ACVR2A: variants seen among roughly 807,000 people sequenced by gnomAD.
ACVR2A encodes the protein activin A receptor type 2A.
A neutral mutation model predicts 61.4 loss-of-function variants in ACVR2A; 7 were observed. That is an observed-to-expected ratio of 0.11 (90% CI 0.06 to 0.21). The LOEUF (loss-of-function observed/expected upper bound fraction) is 0.21. Ranked by LOEUF, ACVR2A falls within the 10% of genes least tolerant of loss-of-function variation. The probability of loss-of-function intolerance (pLI) is 1.00; values close to 1 mark genes in which losing one functional copy is unlikely to be tolerated. For synonymous variants in ACVR2A, 193 were observed against 208.3 expected (o/e 0.93, Z 0.63); for missense variants, 322 against 621.7 (o/e 0.52, Z 5.13).
chr2:147,926,513 A>G (rs1015764426), intron 10 of ACVR2A, among the ~76,000 whole-genome samples: 2 of 151,978 alleles, frequency 1.3e-5, no homozygotes, highest in African/African-American at 4.8e-5. Context: ...TAAAAAGTTT[A>G]TGAAGCACCA....
rs1212324125 is a variant in ACVR2A at position 147,930,368 on chromosome 2, T to G, written c.*3094T>G. On this transcript the variant is annotated 3_prime_UTR_variant, in exon 11 of 11. Coordinates refer to ENST00000241416, the MANE Select transcript of ACVR2A (RefSeq NM_001616.5). Reference sequence around the variant, plus strand: ...ACTGGTTTTTTTGTTTTTTTTTTTTTTTTTAAAGAAAGAAGCTTCATCACA... The same window carrying G: ...ACTGGTTTTTTTGTTTTTTTTTTTTGTTTTAAAGAAAGAAGCTTCATCACA... 6.6e-6 allele frequency: 1 copy of G among 151,650 alleles called. No individual in the cohort carries two copies. Among genetic ancestry groups the G allele is most frequent in the Non-Finnish European group, 1.5e-5 (1 of 67,834 alleles). The allele number at this position is 151,650 out of a possible 1,614,324, so 9.4% of individuals were successfully genotyped here. A position where few individuals can be genotyped will look rare whatever the true frequency, so the allele number is the denominator to read the frequency against.
rs945109309 is a variant in ACVR2A at position 147,928,812 on chromosome 2, T to G, written c.*1538T>G. 4 of 152,364 alleles carry G rather than the reference T, an allele frequency of 2.6e-5. No homozygotes were observed. Among genetic ancestry groups the G allele is most frequent in the Non-Finnish European group, 5.9e-5 (4 of 67,918 alleles). 9.4% of individuals were successfully genotyped at this position (152,364 alleles called of 1,614,324 possible). A position where few individuals can be genotyped will look rare whatever the true frequency, so the allele number is the denominator to read the frequency against. ...CCTCAAATTTATACAGGCCAAAAAGTAAAACATTAATTTTCTGAATTTCCA... is the reference window on the plus strand; with the variant it reads ...CCTCAAATTTATACAGGCCAAAAAGGAAAACATTAATTTTCTGAATTTCCA... On this transcript the variant is annotated 3_prime_UTR_variant, in exon 11 of 11. Coordinates refer to ENST00000241416, the MANE Select transcript of ACVR2A (RefSeq NM_001616.5).
intron 1 of ACVR2A, among the ~76,000 whole-genome samples, chr2:147,871,494 T>A (rs892265396): frequency 1.3e-5 from 2 of 152,166 alleles, no homozygotes; most frequent in African/African-American, 4.8e-5. Flanking sequence ...CTAGCCTAGA[T>A]GTCTCTGCAT....
chr2:147,883,609 GA>G (rs1335047130), intron 1 of ACVR2A, among the ~76,000 whole-genome samples: 1 of 151,978 alleles, frequency 6.6e-6, no homozygotes, highest in East Asian at 1.9e-4. Flanking sequence ...ACATAGTTAT[GA>G]AAAAAACTGT....
rs1418216393 is a variant in ACVR2A, at chr2:147,891,964, T to G, written c.56-4337T>G. Among the ~76,000 whole-genome samples, 5 of 144,826 alleles carry G rather than the reference T, an allele frequency of 3.5e-5. No homozygotes were observed. The East Asian group carries it at 9.9e-4, about 29-fold the overall frequency. ...GTGGTAGCAGCCCTTCTTTTTTTTG[T>G]TTTTTTTGTTTTGTTTTGTTTTTTT... On this transcript the variant is annotated intron_variant, in intron 1 of 10. Coordinates refer to ENST00000241416, the MANE Select transcript of ACVR2A (RefSeq NM_001616.5).
chr2:147,848,862 C>T (rs1685382411), intron 1 of ACVR2A, among the ~76,000 whole-genome samples: 1 of 151,868 alleles, frequency 6.6e-6, no homozygotes, highest in South Asian at 2.1e-4. Context: ...ATTTTAAAAG[C>T]AGTAGTTTAT....
At chr2:147,862,389 A>G (rs1032278759) in intron 1 of ACVR2A, among the ~76,000 whole-genome samples, 3 of 152,066 alleles carry the variant, frequency 2.0e-5, no homozygotes, top group Admixed American at 2.0e-4. Flanking sequence ...AAATCCTGCC[A>G]TTGATTGCTG....
chr2:147,868,412 C>T (rs1221044479), intron 1 of ACVR2A, among the ~76,000 whole-genome samples: 1 of 152,074 alleles, frequency 6.6e-6, no homozygotes, highest in African/African-American at 2.4e-5. Context: ...TGAAATGGAG[C>T]CTGGGATGCC....
intron 1 of ACVR2A, among the ~76,000 whole-genome samples, chr2:147,850,529 G>T (rs1291028207): frequency 6.6e-6 from 1 of 152,110 alleles, no homozygotes; most frequent in East Asian, 1.9e-4. Context: ...TATCATCTCT[G>T]TTTAAGCCAA....
intron 1 of ACVR2A, among the ~76,000 whole-genome samples, chr2:147,890,918 G>A (rs891176895): frequency 1.3e-5 from 2 of 152,030 alleles, no homozygotes; most frequent in Non-Finnish European, 2.9e-5. Flanking sequence ...AGCATTCCCC[G>A]TAAGCCATTT....
chr2:147,913,474 T>C (rs1374045843), intron 4 of ACVR2A, among the ~76,000 whole-genome samples: 2 of 152,012 alleles, frequency 1.3e-5, no homozygotes, highest in African/African-American at 2.4e-5. Context: ...TTTAAATATG[T>C]CTTTATGCAG....
intron 1 of ACVR2A, among the ~76,000 whole-genome samples, chr2:147,880,365 G>A (rs374967084): frequency 3.3e-5 from 5 of 152,066 alleles, no homozygotes; most frequent in African/African-American, 1.2e-4. Context: ...GCCAACTCAG[G>A]ATACTTCAAT....
intron 1 of ACVR2A, among the ~76,000 whole-genome samples, chr2:147,846,159 C>A (rs1558956329): frequency 6.6e-6 from 1 of 152,028 alleles, no homozygotes; most frequent in East Asian, 1.9e-4. Context: ...GAAAGGTGTG[C>A]AGATGTACAT....
At position 147,928,796 on chromosome 2, in the gene ACVR2A, T is replaced by G. The variant is rs1687571023; in HGVS notation, c.*1522T>G. The G allele has an allele frequency of 6.6e-6, 1 of 152,390 alleles. No homozygotes were observed. The highest frequency in any genetic ancestry group is 1.5e-5 in the Non-Finnish European group (1 of 67,962). 9.4% of individuals were successfully genotyped at this position (152,390 alleles called of 1,614,324 possible). On this transcript the variant is annotated 3_prime_UTR_variant, in exon 11 of 11. Coordinates refer to ENST00000241416, the MANE Select transcript of ACVR2A (RefSeq NM_001616.5). ...ATACAATTGGATTCTTCCTCAAATT[T>G]ATACAGGCCAAAAAGTAAAACATTA...
intron 4 of ACVR2A, among the ~76,000 whole-genome samples, chr2:147,914,091 A>G (rs921415263): frequency 6.6e-6 from 1 of 151,964 alleles, no homozygotes; most frequent in African/African-American, 2.4e-5. Flanking sequence ...ACTGTCTTTG[A>G]GGCATTAGAA....
intron 9 of ACVR2A, among the ~76,000 whole-genome samples, chr2:147,923,583 G>C (rs114747195): frequency 6.6e-6 from 1 of 152,016 alleles, no homozygotes; most frequent in African/African-American, 2.4e-5. Context: ...CCATGTTCAA[G>C]TCTTATAGAT....
At chr2:147,908,278 A>G (rs998552218) in intron 4 of ACVR2A, among the ~76,000 whole-genome samples, 8 of 152,096 alleles carry the variant, frequency 5.3e-5, no homozygotes, top group Non-Finnish European at 1.0e-4. Flanking sequence ...CAGTCATAAA[A>G]CCTGATTCTT....
intron 1 of ACVR2A, among the ~76,000 whole-genome samples, chr2:147,876,091 C>T (rs1377698497): frequency 2.0e-5 from 3 of 152,114 alleles, no homozygotes; most frequent in Non-Finnish European, 4.4e-5. Flanking sequence ...ATACTGAGTA[C>T]TGTGCTCTTG....
chr2:147,883,470 C>G (rs1284436069), intron 1 of ACVR2A, among the ~76,000 whole-genome samples: 1 of 152,200 alleles, frequency 6.6e-6, no homozygotes, highest in African/African-American at 2.4e-5. Flanking sequence ...GGATTACAGG[C>G]ATGAGCCACT....
Sources: gnomAD v4.1 joint callset for allele counts (sites outside exome capture counted in the v4.1 genomes callset) on GRCh38, gnomAD v4.1.1 for gene constraint, MANE v1.5 for transcripts, NCBI Gene and HGNC (gene_info 2026-07-23, HGNC 2026-07-21) for gene names.